The following AHNAK variants were observed in gnomAD, a reference collection of about 807,000 sequenced individuals.
AHNAK encodes neuroblast differentiation-associated protein AHNAK.
In AHNAK, 23 loss-of-function variants were observed where a neutral mutation model predicts 37.8. The ratio of observed to expected loss-of-function variants is 0.61; its 90% CI spans 0.44 to 0.86. The LOEUF (loss-of-function observed/expected upper bound fraction) is 0.86. Among genes scored for constraint, AHNAK ranks in the 40% least tolerant of loss-of-function variants. The pLI is 0.00. For missense variants in AHNAK, 7,411 were observed against 7,319.4 expected (o/e 1.01, Z -0.46); for synonymous variants, 2,481 against 2,636.3 (o/e 0.94, Z 1.80).
At chr11:62,502,851 T>C (rs1235219758) in intron 4 of AHNAK, among the ~76,000 whole-genome samples, 1 of 152,024 alleles carries the variant, frequency 6.6e-6, no homozygotes, top group East Asian at 1.9e-4. Context: ...GAGCTGAGTG[T>C]GGCTGCAGAG....
In AHNAK at chr11:62,515,931, T is replaced by G. The variant is rs1426960508; in HGVS notation, c.*813A>C. 1 of 1,169,928 alleles carries G rather than the reference T, an allele frequency of 8.5e-7. No individual in the cohort carries two copies. The highest frequency in any genetic ancestry group is 1.6e-5 in the African/African-American group (1 of 62,346). 72.5% of individuals were successfully genotyped at this position (1,169,928 alleles called of 1,614,324 possible). On this transcript the variant is annotated 3_prime_UTR_variant, in exon 5 of 5. Coordinates refer to ENST00000378024, the MANE Select transcript of AHNAK (RefSeq NM_001620.3). ...GGTTAATAAACAGCTTTATTTGCCT[T>G]GTACAGCATCAATTTTCTTACATTC...
chr11:62,510,132 A>G (rs1368625979), intron 4 of AHNAK, among the ~76,000 whole-genome samples: 1 of 151,406 alleles, frequency 6.6e-6, no homozygotes, highest in Non-Finnish European at 1.5e-5. Flanking sequence ...GTCTCAGCTC[A>G]CTGCAACCTC....
chr11:62,515,436 G>C (rs978742762), downstream of AHNAK, among the ~76,000 whole-genome samples: 1 of 152,236 alleles, frequency 6.6e-6, no homozygotes, highest in Non-Finnish European at 1.5e-5. Context: ...AAAATCGCTT[G>C]AACCCAGGAG....
intron 5 of AHNAK, among the ~76,000 whole-genome samples, chr11:62,439,056 G>A (rs1278950166): frequency 6.6e-6 from 1 of 150,744 alleles, no homozygotes; most frequent in Non-Finnish European, 1.5e-5. Flanking sequence ...CCAGGAAGGA[G>A]AGGGATGGAC....
At chr11:62,538,669 C>T (rs1381508564) in intron 1 of AHNAK, among the ~76,000 whole-genome samples, 1 of 152,232 alleles carries the variant, frequency 6.6e-6, no homozygotes, top group African/African-American at 2.4e-5. Context: ...TTACACGCTG[C>T]GTTAGACGGT....
At chr11:62,506,010 TACCAAAA>T (rs1449075334) in intron 4 of AHNAK, among the ~76,000 whole-genome samples, 1 of 58,654 alleles carries the variant, frequency 1.7e-5, no homozygotes, top group Non-Finnish European at 2.8e-5. Context: ...CCCCTGTCTC[TACCAAAA>T]AAAAAAAAAA....
chr11:62,490,235 T>A (rs1478520909), intron 5 of AHNAK, among the ~76,000 whole-genome samples: 14 of 142,426 alleles, frequency 9.8e-5, no homozygotes, highest in Non-Finnish European at 2.1e-4. Context: ...AGAGTCTTGC[T>A]CTGTCACCCA....
intron 5 of AHNAK, among the ~76,000 whole-genome samples, chr11:62,452,532 G>T (rs1406767078): frequency 3.9e-5 from 6 of 152,152 alleles, no homozygotes; most frequent in Non-Finnish European, 7.3e-5. Context: ...GAATAGGAAG[G>T]AGTTGTCAGA....
At chr11:62,452,278 T>C (rs1188462407) in intron 5 of AHNAK, among the ~76,000 whole-genome samples, 1 of 152,194 alleles carries the variant, frequency 6.6e-6, no homozygotes, top group East Asian at 1.9e-4. Flanking sequence ...TGGCTTACTA[T>C]CTCCATTTGC....
chr11:62,471,448 T>A (rs898611165), intron 5 of AHNAK, among the ~76,000 whole-genome samples: 1 of 152,212 alleles, frequency 6.6e-6, no homozygotes, highest in Non-Finnish European at 1.5e-5. Context: ...GTGCTGGGAT[T>A]ACAGGCATAA....
chr11:62,442,084 T>C (rs1280017956), intron 5 of AHNAK, among the ~76,000 whole-genome samples: 1 of 152,164 alleles, frequency 6.6e-6, no homozygotes, highest in African/African-American at 2.4e-5. Flanking sequence ...CACTGAGACC[T>C]TATACAAAGC....
chr11:62,519,131 C>T lies in AHNAK; in HGVS notation c.15286G>A (p.Asp5096Asn). 6.2e-7 allele frequency: 1 copy of T among 1,613,808 alleles called. No homozygotes were observed. Among genetic ancestry groups the T allele is most frequent in the Non-Finnish European group, 8.5e-7 (1 of 1,179,926 alleles). Reference protein sequence around the residue: ...GKMYFPDVEFDIKSPKFKAEA... With the variant: ...GKMYFPDVEFNIKSPKFKAEA... ...GCTTTAAATTTAGGTGATTTAATGTCAAACTCTACATCTGGGAAGTACATT... is the reference window on the plus strand; with the variant it reads ...GCTTTAAATTTAGGTGATTTAATGTTAAACTCTACATCTGGGAAGTACATT... The change falls in exon 5 of 5, where the codon GAC becomes AAC. Residue 5096 changes from aspartate to asparagine, a missense_variant. Transcript: ENST00000378024.
chr11:62,463,464 G>T (rs567147799), intron 5 of AHNAK, among the ~76,000 whole-genome samples: 48 of 151,410 alleles, frequency 3.2e-4, no homozygotes, highest in African/African-American at 6.5e-4. Context: ...CCATCCTCCA[G>T]CCTCCAGCCT....
intron 5 of AHNAK, among the ~76,000 whole-genome samples, chr11:62,465,831 A>G (rs76500609): frequency 0.05 from 7,580 of 152,182 alleles, 242 homozygotes; most frequent in Middle Eastern, 0.088. Context: ...ACCAGCAGCT[A>G]GAAAGAGGCA....
At chr11:62,505,302 G>A (rs1413401991) in intron 4 of AHNAK, among the ~76,000 whole-genome samples, 2 of 152,096 alleles carry the variant, frequency 1.3e-5, no homozygotes, top group Non-Finnish European at 2.9e-5. Flanking sequence ...ATAAAAATCT[G>A]CCTAGCAACG....
rs1940350725 is a variant in AHNAK, at chr11:62,523,513, C to T, written c.10904G>A (p.Gly3635Asp). ...TGGAACATCAACGTCTACATTGGGA[C>T]CAGAAATGTCAATGTCAGCTTTAGG... ...TLPKADIDISGPNVDVDVPDV... is the reference protein window; with the variant it reads ...TLPKADIDISDPNVDVDVPDV... Residue 3635 changes from glycine (G) to aspartate (D), a missense_variant, in exon 5 of 5, where the codon GGT becomes GAT. Coordinates refer to ENST00000378024, the MANE Select transcript of AHNAK (RefSeq NM_001620.3). The T allele has an allele frequency of 3.1e-6, 5 of 1,614,000 alleles. No homozygotes were observed. Among genetic ancestry groups the T allele is most frequent in the Non-Finnish European group, 4.2e-6 (5 of 1,180,020 alleles).
downstream of AHNAK, among the ~76,000 whole-genome samples, chr11:62,512,501 C>T (rs1939932110): frequency 6.6e-6 from 1 of 152,202 alleles, no homozygotes; most frequent in Admixed American, 6.5e-5. The surrounding 1 kb of genome is among the most constrained non-coding windows in gnomAD (Gnocchi z 4.0). Context: ...CTGCCCACTA[C>T]TCCATAAACT....
chr11:62,471,992 G>A (rs113262066), intron 5 of AHNAK, among the ~76,000 whole-genome samples: 1 of 152,072 alleles, frequency 6.6e-6, no homozygotes. Flanking sequence ...CTCGCCCCAG[G>A]GTCTGGGTCA....
chr11:62,524,926 T>C lies in AHNAK; in HGVS notation c.9491A>G (p.Lys3164Arg). The change falls in exon 5 of 5, where the codon AAA becomes AGA. Residue 3164 changes from lysine to arginine, a missense_variant. Transcript: ENST00000378024. ...KMPKISMPGF[K>R]GEGPEVDVNL... ...CACGTCCACTTCTGGACCTTCTCCT[T>C]TGAAGCCAGGCATGCTGATCTTGGG... is the stretch of plus-strand genomic sequence containing the variant. The C allele has an allele frequency of 6.2e-7, 1 of 1,614,026 alleles. No individual in the cohort carries two copies. The highest frequency in any genetic ancestry group is 8.5e-7 in the Non-Finnish European group (1 of 1,180,016).
Sources: allele counts gnomAD v4.1 joint callset (sites outside exome capture counted in the v4.1 genomes callset), GRCh38; gene constraint gnomAD v4.1.1; non-coding constraint Gnocchi (gnomAD v3.1); transcripts MANE v1.5; gene names NCBI Gene and HGNC (gene_info 2026-07-23, HGNC 2026-07-21).